Variants in RBFOX1 observed in about 807,000 individuals in gnomAD.
The protein encoded by RBFOX1 is RNA binding protein fox-1 homolog 1.
RBFOX1 carries 8 observed loss-of-function variants against 57.7 expected under a neutral mutation model. The ratio of observed to expected loss-of-function variants is 0.14; its 90% CI spans 0.08 to 0.25. The LOEUF (loss-of-function observed/expected upper bound fraction) is 0.25, where lower values mean the gene tolerates loss of function less well. Among genes scored for constraint, RBFOX1 ranks in the 10% least tolerant of loss-of-function variants. The pLI, the probability that RBFOX1 is intolerant of heterozygous loss-of-function variation, is 1.00. For missense variants in RBFOX1, 611 were observed against 548.5 expected (o/e 1.11, Z -1.14); for synonymous variants, 326 against 222.4 (o/e 1.47, Z -4.15).
intron 4 of RBFOX1, among the ~76,000 whole-genome samples, chr16:7,476,067 G>A (rs1348154575): frequency 1.3e-5 from 2 of 152,162 alleles, no homozygotes; most frequent in Admixed American, 6.5e-5. Context: ...CTGAGCCCAA[G>A]TGATCCTCCC....
At chr16:6,961,316 T>G (rs2082957395) in intron 3 of RBFOX1, among the ~76,000 whole-genome samples, 1 of 152,186 alleles carries the variant, frequency 6.6e-6, no homozygotes, top group African/African-American at 2.4e-5. Flanking sequence ...GTCCTGGCCA[T>G]GCAAGTGGAG....
At chr16:5,408,011 T>TC (rs1473151555) in intron 1 of RBFOX1, among the ~76,000 whole-genome samples, 2 of 152,254 alleles carry the variant, frequency 1.3e-5, no homozygotes, top group African/African-American at 4.8e-5. Flanking sequence ...CTTTGTGTCC[T>TC]CCACCTCCTG....
intron 3 of RBFOX1, among the ~76,000 whole-genome samples, chr16:6,788,921 C>A (rs186609303): frequency 1.3e-5 from 2 of 152,146 alleles, no homozygotes; most frequent in Non-Finnish European, 1.5e-5. Context: ...CGTCCCCAAG[C>A]CAACTTCCCG....
chr16:6,978,513 G>C (rs532043510), intron 3 of RBFOX1, among the ~76,000 whole-genome samples: 2 of 152,138 alleles, frequency 1.3e-5, no homozygotes, highest in Non-Finnish European at 2.9e-5. Context: ...TTTACAGAAA[G>C]GGAAGCTGAG....
Position 6,340,528 on chromosome 16 carries a change from G to C in RBFOX1, c.-64+23471G>C, listed in dbSNP as rs532101823. On this transcript the variant is annotated intron_variant, in intron 2 of 15. Transcript: ENST00000550418. ...ATTTCTTGATGATATGCTAAACAAGGGGAGGATTATTTATGCCTTCCCTTT... is the reference window on the plus strand; with the variant it reads ...ATTTCTTGATGATATGCTAAACAAGCGGAGGATTATTTATGCCTTCCCTTT... Among the ~76,000 whole-genome samples the C allele has an allele frequency of 3.9e-5, 6 of 152,260 alleles. No individual in the cohort carries two copies. The South Asian group carries it at 1.0e-3, about 26-fold the overall frequency.
chr16:7,163,832 T>C (rs1378061614), intron 4 of RBFOX1, among the ~76,000 whole-genome samples: 1 of 152,076 alleles, frequency 6.6e-6, no homozygotes, highest in African/African-American at 2.4e-5. Flanking sequence ...AATTTTTGTA[T>C]TGTTTTTGGT....
intron 2 of RBFOX1, among the ~76,000 whole-genome samples, chr16:6,537,847 A>T (rs1262466927): frequency 6.6e-6 from 1 of 152,068 alleles, no homozygotes; most frequent in African/African-American, 2.4e-5. Flanking sequence ...TTCTTTATAT[A>T]TAGAAAAATA....
At chr16:6,707,585 G>C (rs1318105218) in intron 3 of RBFOX1, among the ~76,000 whole-genome samples, 1 of 148,890 alleles carries the variant, frequency 6.7e-6, no homozygotes, top group East Asian at 2.1e-4. Context: ...AAGAAGGATT[G>C]ACAGTCAATG....
intron 1 of RBFOX1, among the ~76,000 whole-genome samples, chr16:5,358,184 T>C (rs1040724745): frequency 6.6e-6 from 1 of 152,064 alleles, no homozygotes; most frequent in African/African-American, 2.4e-5. Flanking sequence ...GGGTTATAGA[T>C]GCATCACCCT....
At chr16:6,169,062 C>A (rs1271973816) in intron 1 of RBFOX1, among the ~76,000 whole-genome samples, 1 of 152,136 alleles carries the variant, frequency 6.6e-6, no homozygotes, top group African/African-American at 2.4e-5. Context: ...CCATGTTTAT[C>A]ACTTCGTTTA....
At chr16:6,246,959 G>A (rs939197319) in intron 1 of RBFOX1, among the ~76,000 whole-genome samples, 23 of 152,162 alleles carry the variant, frequency 1.5e-4, no homozygotes, top group East Asian at 5.8e-4. Context: ...AATCCCAGCC[G>A]CTTGGGAGGC....
intron 3 of RBFOX1, among the ~76,000 whole-genome samples, chr16:5,708,039 A>G (rs1167468030): frequency 6.6e-6 from 1 of 152,168 alleles, no homozygotes; most frequent in African/African-American, 2.4e-5. Context: ...TGTTGTTGAA[A>G]GAGAGAATAA....
intron 3 of RBFOX1, among the ~76,000 whole-genome samples, chr16:6,949,844 C>G (rs370688922): frequency 1.3e-5 from 2 of 152,012 alleles, no homozygotes; most frequent in Admixed American, 6.6e-5. Flanking sequence ...TTCACCCGGA[C>G]AGAATGCAAT....
At chr16:7,611,379 C>G (rs1215085095) in intron 10 of RBFOX1, among the ~76,000 whole-genome samples, 3 of 152,046 alleles carry the variant, frequency 2.0e-5, no homozygotes, top group Non-Finnish European at 4.4e-5. Flanking sequence ...GAGTTGGAGA[C>G]CAGCCTGGCC....
rs962113336 is a variant in RBFOX1, at chr16:6,782,079, T to C, written c.-16+127429T>C. Among the ~76,000 whole-genome samples, 9 of 152,256 alleles carry C rather than the reference T, an allele frequency of 5.9e-5. No individual in the cohort carries two copies. The East Asian group carries it at 1.7e-3, about 29-fold the overall frequency. On this transcript the variant is annotated intron_variant, in intron 3 of 15. Transcript: ENST00000550418. ...TGGAGTGCAGTGGTATGTTCTTGGC[T>C]CACTGCAACCTCCGCCTCCTGGGTT...
At chr16:7,054,417 A>C (rs1192702379) in intron 4 of RBFOX1, among the ~76,000 whole-genome samples, 1 of 150,322 alleles carries the variant, frequency 6.7e-6, no homozygotes, top group Non-Finnish European at 1.5e-5. Flanking sequence ...TTTTTTTTGT[A>C]CTTTTAGCAG....
intron 4 of RBFOX1, among the ~76,000 whole-genome samples, chr16:5,957,339 C>T (rs911411124): frequency 1.7e-4 from 26 of 152,044 alleles, no homozygotes; most frequent in Non-Finnish European, 2.8e-4. Context: ...CTCAGCCTCC[C>T]GAGTAGCTGG....
intron 2 of RBFOX1, among the ~76,000 whole-genome samples, chr16:6,401,235 T>C (rs1398442561): frequency 2.0e-5 from 3 of 152,088 alleles, no homozygotes; most frequent in African/African-American, 7.2e-5. Context: ...TCAAGTACCA[T>C]CCACTGGCCA....
intron 4 of RBFOX1, among the ~76,000 whole-genome samples, chr16:7,259,616 G>C (rs1265612544): frequency 6.6e-6 from 1 of 151,706 alleles, no homozygotes; most frequent in Non-Finnish European, 1.5e-5. Flanking sequence ...CACTTTCTCT[G>C]TATTTTTTAT....
Sources: gnomAD v4.1 joint callset for allele counts (sites outside exome capture counted in the v4.1 genomes callset) on GRCh38, gnomAD v4.1.1 for gene constraint, MANE v1.5 for transcripts, NCBI Gene and HGNC (gene_info 2026-07-23, HGNC 2026-07-21) for gene names.